The following IQGAP1 variants were observed in gnomAD, a reference collection of about 807,000 sequenced individuals.
IQGAP1 encodes the protein IQ motif containing GTPase activating protein 1.
IQGAP1 carries 66 observed loss-of-function variants against 215.6 expected under a neutral mutation model. The ratio of observed to expected loss-of-function variants is 0.31; its 90% CI spans 0.25 to 0.38. IQGAP1 has a LOEUF of 0.38. Ranked by LOEUF, IQGAP1 falls within the 10% of genes least tolerant of loss-of-function variation. The pLI is 1.00. For missense variants in IQGAP1, 1,712 were observed against 1,997.1 expected (o/e 0.86, Z 2.72); for synonymous variants, 772 against 728.7 (o/e 1.06, Z -0.96).
At chr15:90,474,907 T>C in intron 23 of IQGAP1, 1 of 540,686 alleles carries the variant, frequency 1.8e-6, no homozygotes, top group Non-Finnish European at 3.3e-6. Context: ...CCTCCCAGGT[T>C]CAAGCAATTC....
Position 90,486,059 on chromosome 15 carries a change from T to C in IQGAP1, c.3951T>C (p.Ala1317=). 1 of 1,613,952 alleles carries C rather than the reference T, an allele frequency of 6.2e-7. No individual in the cohort carries two copies. The highest frequency in any genetic ancestry group is 8.5e-7 in the Non-Finnish European group (1 of 1,179,942). The change falls in exon 31 of 38, where the codon GCT becomes GCC. Residue 1317 remains alanine (A), a synonymous_variant. Transcript: ENST00000268182. The part of the protein sequence containing the change: ...TLLLDHQDAI[A]PEHNDPIHEL... Reference sequence around the variant, plus strand: ...TGTTGGATCACCAGGATGCCATTGCTCCGGAGCACAATGATCCAATCCACG... The same window carrying C: ...TGTTGGATCACCAGGATGCCATTGCCCCGGAGCACAATGATCCAATCCACG...
intron 2 of IQGAP1, among the ~76,000 whole-genome samples, chr15:90,402,211 C>T (rs2601198): frequency 6.6e-6 from 1 of 152,074 alleles, no homozygotes; most frequent in African/African-American, 2.4e-5. Flanking sequence ...TTGTTGGACC[C>T]TTCCTAATTG....
At chr15:90,469,271 C>T (rs925515343) in intron 18 of IQGAP1, among the ~76,000 whole-genome samples, 8 of 152,154 alleles carry the variant, frequency 5.3e-5, no homozygotes, top group Admixed American at 3.9e-4. Context: ...TAGAGAAAAA[C>T]GACAGTAAAA....
chr15:90,453,597 A>G (rs1294800537), intron 13 of IQGAP1, among the ~76,000 whole-genome samples: 1 of 152,196 alleles, frequency 6.6e-6, no homozygotes, highest in Non-Finnish European at 1.5e-5. Context: ...TTTGTTCCCA[A>G]ACTGTCCTTT....
In IQGAP1 at chr15:90,451,576, C is replaced by T. The variant is rs1339505029; in HGVS notation, c.1163-1199C>T. 5.3e-5 allele frequency among the ~76,000 whole-genome samples: 8 copies of T among 152,254 alleles called. No homozygotes were observed. In the East Asian group the frequency reaches 1.5e-3, roughly 29 times the overall value. On this transcript the variant is annotated intron_variant, in intron 11 of 37. Coordinates refer to ENST00000268182, the MANE Select transcript of IQGAP1 (RefSeq NM_003870.4). ...TTTGCTCCTATGACCCACACAGCTC[C>T]TACTAGGCCCTGCCTCCCAACACCA...
chr15:90,458,547 A>G (rs1262547442), intron 15 of IQGAP1, among the ~76,000 whole-genome samples: 1 of 152,212 alleles, frequency 6.6e-6, no homozygotes, highest in Admixed American at 6.5e-5. Flanking sequence ...ACATAGAATC[A>G]TTGCAGCCTG....
At chr15:90,473,858 G>A (rs1189345583) in intron 20 of IQGAP1, 38 bp from the exon 21 acceptor site, 1 of 1,612,156 alleles carries the variant, frequency 6.2e-7, no homozygotes, top group South Asian at 1.1e-5. Flanking sequence ...GTGTTGAGAT[G>A]AAGGACTCTT....
intron 26 of IQGAP1, among the ~76,000 whole-genome samples, chr15:90,481,108 G>A (rs1247362385): frequency 6.6e-6 from 1 of 152,052 alleles, no homozygotes; most frequent in African/African-American, 2.4e-5. Context: ...GAAGAGCCAC[G>A]CTCCCTGCAG....
intron 14 of IQGAP1, 33 bp from the exon 15 acceptor site, chr15:90,456,119 G>GAA: frequency 1.7e-5 from 24 of 1,408,682 alleles, no homozygotes; most frequent in East Asian, 2.6e-5. Context: ...TCCTTAATTA[G>GAA]AAAAAAAAAA....
rs929544117 is a variant in IQGAP1, at chr15:90,497,077, A to G, written c.4752-155A>G. 5.4e-6 allele frequency: 3 copies of G among 558,604 alleles called. No homozygotes were observed. The Admixed American group carries it at 9.9e-5, about 19-fold the overall frequency. 34.6% of individuals were successfully genotyped at this position (558,604 alleles called of 1,614,324 possible). The stretch of plus-strand genomic sequence containing the variant: ...GAGCAGATGGTACTTGGGCTTGGCA[A>G]TCTGTGCTGCTTCAGCTGCAGAAGT... On this transcript the variant is annotated intron_variant, in intron 36 of 37. Transcript: ENST00000268182.
chr15:90,449,512 G>A, intron 10 of IQGAP1, 47 bp from the exon 11 acceptor site: 2 of 1,475,400 alleles, frequency 1.4e-6, no homozygotes, highest in Non-Finnish European at 1.9e-6. Context: ...AAGGCCTGGA[G>A]TCATAGGAAT....
chr15:90,390,172 T>G (rs1393257588), intron 1 of IQGAP1, among the ~76,000 whole-genome samples: 1 of 152,118 alleles, frequency 6.6e-6, no homozygotes, highest in Non-Finnish European at 1.5e-5. Context: ...AGTTAGGAAT[T>G]TATTCCACAC....
chr15:90,448,786 A>G (rs1965559977), intron 10 of IQGAP1, 50 bp downstream of exon 10: 1 of 1,359,634 alleles, frequency 7.4e-7, no homozygotes, highest in African/African-American at 1.5e-5. Flanking sequence ...TATCCATTCG[A>G]ATCCCATGCT....
intron 34 of IQGAP1, among the ~76,000 whole-genome samples, chr15:90,492,055 A>G (rs1966212991): frequency 6.6e-6 from 1 of 152,202 alleles, no homozygotes; most frequent in African/African-American, 2.4e-5. Flanking sequence ...AGTAAATTCT[A>G]AAAATGTGTA....
At chr15:90,414,080 C>G (rs1407662004) in intron 2 of IQGAP1, among the ~76,000 whole-genome samples, 1 of 152,108 alleles carries the variant, frequency 6.6e-6, no homozygotes, top group Non-Finnish European at 1.5e-5. Flanking sequence ...TAAAAAGACA[C>G]TTTCCCAGGA....
intron 2 of IQGAP1, among the ~76,000 whole-genome samples, chr15:90,395,508 G>C (rs2151000913): frequency 6.6e-6 from 1 of 152,222 alleles, no homozygotes; most frequent in African/African-American, 2.4e-5. Flanking sequence ...TTTTAGTAGA[G>C]ACGGGGTTTC....
rs753210040 is a variant in IQGAP1, at chr15:90,472,917, G to T, written c.2256G>T (p.Leu752=). 10 of 1,613,858 alleles carry T rather than the reference G, an allele frequency of 6.2e-6. No homozygotes were observed. The East Asian group carries it at 1.1e-4, about 18-fold the overall frequency. Residue 752 remains leucine, a synonymous_variant, in exon 19 of 38, where the codon CTG becomes CTT. Transcript: ENST00000268182. ...CCAATGAAGGCCTGATCACCAGGCTGCAGGCTCGCTGCCGTGGATACTTAG... is the reference window on the plus strand; with the variant it reads ...CCAATGAAGGCCTGATCACCAGGCTTCAGGCTCGCTGCCGTGGATACTTAG... ...WLANEGLITR[L]QARCRGYLVR... is the part of the protein sequence containing the mutation.
intron 5 of IQGAP1, among the ~76,000 whole-genome samples, chr15:90,437,589 T>C (rs565380187): frequency 3.9e-5 from 6 of 152,296 alleles, no homozygotes; most frequent in African/African-American, 7.2e-5. Context: ...TTGCCTAGGC[T>C]GGAACGCAGA....
chr15:90,478,551 C>T (rs1392882689), intron 26 of IQGAP1, among the ~76,000 whole-genome samples: 4 of 152,166 alleles, frequency 2.6e-5, no homozygotes, highest in Middle Eastern at 3.4e-3. Context: ...GTTTTATGTA[C>T]GGTTCTTTAA....
Sources: gnomAD v4.1 joint callset for allele counts (sites outside exome capture counted in the v4.1 genomes callset) on GRCh38, gnomAD v4.1.1 for gene constraint, MANE v1.5 for transcripts, NCBI Gene and HGNC (gene_info 2026-07-23, HGNC 2026-07-21) for gene names.